The following PCDH15 variants were observed in gnomAD, a reference collection of about 807,000 sequenced individuals.
PCDH15 encodes protocadherin-15.
Under a neutral mutation model 178.5 loss-of-function variants are expected in PCDH15, and 129 were observed. The ratio of observed to expected loss-of-function variants is 0.72; its 90% CI spans 0.63 to 0.84. The LOEUF (loss-of-function observed/expected upper bound fraction) is 0.84. PCDH15 is among the 40% of genes least tolerant of loss of function. PCDH15 has a pLI of 0.00. For missense variants in PCDH15, 2,230 were observed against 2,099.9 expected (o/e 1.06, Z -1.21); for synonymous variants, 800 against 732.0 (o/e 1.09, Z -1.50).
intron 8 of PCDH15, among the ~76,000 whole-genome samples, chr10:54,264,968 C>A (rs1389959384): frequency 6.6e-6 from 1 of 151,862 alleles, no homozygotes; most frequent in Non-Finnish European, 1.5e-5. Flanking sequence ...TTAGACTATC[C>A]AAGGTTAACA....
At chr10:55,094,713 G>A (rs1055568686) in intron 2 of PCDH15, among the ~76,000 whole-genome samples, 18 of 151,928 alleles carry the variant, frequency 1.2e-4, no homozygotes, top group Non-Finnish European at 1.0e-4. Flanking sequence ...CAAACCTAAT[G>A]AAGGAATAGA....
rs115434768 is a variant in PCDH15, at chr10:55,369,194, T to G, written c.-155-202543A>C. On this transcript the variant is annotated intron_variant, in intron 2 of 5. Coordinates refer to the PCDH15 transcript ENST00000613346. ...TATAGGATATTGACACAGAGACTTC[T>G]TACTGCCTAGAGTTCTCAGTAGGAA... Among the ~76,000 whole-genome samples the G allele has an allele frequency of 4.4e-3, 668 of 152,074 alleles. 8 individuals carry two copies. The highest frequency in any genetic ancestry group is 0.015 in the African/African-American group (624 of 41,550).
intron 26 of PCDH15, among the ~76,000 whole-genome samples, chr10:53,888,689 A>ATG (rs2081342302): frequency 2.2e-5 from 1 of 45,384 alleles, no homozygotes; most frequent in Non-Finnish European, 4.0e-5. Context: ...ATATATATAT[A>ATG]TATATATATA....
At chr10:54,792,301 G>A (rs560054740) in intron 1 of PCDH15, among the ~76,000 whole-genome samples, 2 of 152,032 alleles carry the variant, frequency 1.3e-5, no homozygotes, top group African/African-American at 4.8e-5. Context: ...CTTCAGCAAT[G>A]TCAAGTAGGG....
At chr10:54,962,047 T>C (rs1170808848) in intron 2 of PCDH15, among the ~76,000 whole-genome samples, 1 of 152,224 alleles carries the variant, frequency 6.6e-6, no homozygotes, top group African/African-American at 2.4e-5. Context: ...TCCACTTCGC[T>C]TACCCTCCAG....
In PCDH15 at chr10:53,938,847, A is replaced by T. The variant is rs563855694; in HGVS notation, c.3341T>A (p.Val1114Glu). 1 of 1,613,618 alleles carries T rather than the reference A, an allele frequency of 6.2e-7. No homozygotes were observed. Among genetic ancestry groups the T allele is most frequent in the Non-Finnish European group, 8.5e-7 (1 of 1,179,654 alleles). ...AGGAACTCGGAGATTGGCAAGGACC[A>T]CTTCCAGGGAATCAGCTTGGACTCG... ...VLRVQADSLE[V>E]VLANLRVPSK... The change falls in exon 25 of 38, where the codon GTG becomes GAG. Residue 1114 changes from valine to glutamate, a missense_variant. Val to Glu is a moderately radical substitution (Grantham distance 121, BLOSUM62 -2). Transcript: ENST00000644397.
intron 2 of PCDH15, among the ~76,000 whole-genome samples, chr10:55,592,705 A>AT (rs1291440492): frequency 2.6e-5 from 4 of 152,144 alleles, no homozygotes; most frequent in Non-Finnish European, 5.9e-5. Context: ...TTTTTCAAGA[A>AT]TTAGTTTAGG....
chr10:54,105,064 C>A (rs535623374), intron 15 of PCDH15, among the ~76,000 whole-genome samples: 13 of 151,144 alleles, frequency 8.6e-5, no homozygotes, highest in African/African-American at 3.1e-4. Context: ...TATCATTGTT[C>A]ACCATACTAT....
At chr10:54,073,816 T>A (rs1409732182) in intron 17 of PCDH15, among the ~76,000 whole-genome samples, 1 of 152,184 alleles carries the variant, frequency 6.6e-6, no homozygotes, top group Non-Finnish European at 1.5e-5. Context: ...AAATTACTGA[T>A]CACTGTTCGC....
At chr10:54,583,830 T>C (rs535664926) in intron 2 of PCDH15, among the ~76,000 whole-genome samples, 1 of 152,188 alleles carries the variant, frequency 6.6e-6, no homozygotes, top group South Asian at 2.1e-4. Flanking sequence ...CAAAGGTAGA[T>C]CTATTTAGCT....
rs1842744186 is a variant in PCDH15 at position 55,587,338 on chromosome 10, AT to A, written c.-156+40286del. Among the ~76,000 whole-genome samples the A allele has an allele frequency of 1.3e-5, 2 of 152,048 alleles. 1 individual carries two copies. Among genetic ancestry groups the A allele is most frequent in the Non-Finnish European group, 2.9e-5 (2 of 67,986 alleles). On this transcript the variant is annotated intron_variant, in intron 2 of 5. Transcript: ENST00000613346. ...TTTAAAATCAACATTAATGTTGACA[AT>A]ATTCATATATAAGGCTTTTTAATTA...
intron 20 of PCDH15, among the ~76,000 whole-genome samples, chr10:53,999,256 C>A (rs1447835007): frequency 1.3e-5 from 2 of 152,030 alleles, no homozygotes; most frequent in Non-Finnish European, 2.9e-5. Context: ...GTTTATGGAG[C>A]CGATACCTAC....
At chr10:54,250,343 C>T (rs1392955707) in intron 8 of PCDH15, among the ~76,000 whole-genome samples, 2 of 135,028 alleles carry the variant, frequency 1.5e-5, no homozygotes, top group Non-Finnish European at 3.0e-5. Context: ...AGGGCAGTGG[C>T]GCAATCTCGG....
chr10:54,592,971 T>C (rs992024902), intron 2 of PCDH15, among the ~76,000 whole-genome samples: 1 of 152,232 alleles, frequency 6.6e-6, no homozygotes, highest in Non-Finnish European at 1.5e-5. Context: ...TATTGACCTG[T>C]CGTCTTTCAT....
intron 21 of PCDH15, among the ~76,000 whole-genome samples, chr10:53,965,777 G>A (rs1360044049): frequency 2.0e-5 from 3 of 152,012 alleles, no homozygotes; most frequent in African/African-American, 7.2e-5. Context: ...TCTGTAGGAC[G>A]GTGACTAAAA....
In PCDH15 at chr10:54,049,770, G is replaced by A. The variant is rs186192272; in HGVS notation, c.2220+16987C>T. Among the ~76,000 whole-genome samples the A allele has an allele frequency of 2.6e-3, 396 of 151,896 alleles. 1 individual carries two copies. Among genetic ancestry groups the A allele is most frequent in the Non-Finnish European group, 4.4e-3 (302 of 67,924 alleles). ...CAAGTAGCTTGCACTACAAGCACCC[G>A]CCACCAAGCCTGGCTAATTTTTGTC... On this transcript the variant is annotated intron_variant, in intron 18 of 37. Transcript: ENST00000644397.
intron 26 of PCDH15, among the ~76,000 whole-genome samples, chr10:53,879,615 A>G (rs2080543099): frequency 6.6e-6 from 1 of 152,224 alleles, no homozygotes; most frequent in South Asian, 2.1e-4. Flanking sequence ...GGTAAAAATT[A>G]ATAGCATTTT....
intron 1 of PCDH15, among the ~76,000 whole-genome samples, chr10:55,274,782 C>G (rs1842543163): frequency 6.6e-6 from 1 of 152,024 alleles, no homozygotes; most frequent in African/African-American, 2.4e-5. Flanking sequence ...TGAAACTGTT[C>G]CATCTCACAT....
At chr10:55,329,910 T>C (rs34943521) in intron 2 of PCDH15, among the ~76,000 whole-genome samples, 30,667 of 151,468 alleles carry the variant, frequency 0.2, 3,444 homozygotes, top group African/African-American at 0.3. Context: ...TTAATTAGGG[T>C]AATAGAGACT....
Sources: allele counts gnomAD v4.1 joint callset (sites outside exome capture counted in the v4.1 genomes callset), GRCh38; gene constraint gnomAD v4.1.1; transcripts MANE v1.5; gene names NCBI Gene and HGNC (gene_info 2026-07-23, HGNC 2026-07-21).